The following PALM2AKAP2 variants were observed in gnomAD, a reference collection of about 807,000 sequenced individuals.
PALM2AKAP2 encodes PALM2-AKAP2 fusion protein.
A neutral mutation model predicts 71.5 loss-of-function variants in PALM2AKAP2; 37 were observed. The observed-to-expected ratio is 0.52, with a 90% CI of 0.40 to 0.68. The LOEUF (loss-of-function observed/expected upper bound fraction) is 0.68, where lower values mean the gene tolerates loss of function less well. Ranked by LOEUF, PALM2AKAP2 falls within the 30% of genes least tolerant of loss-of-function variation. The pLI is 0.00. For missense variants in PALM2AKAP2, 1,224 were observed against 1,191.8 expected (o/e 1.03, Z -0.40); for synonymous variants, 468 against 478.8 (o/e 0.98, Z 0.29).
chr9:110,062,965 G>A (rs1452741117), intron 1 of PALM2AKAP2, among the ~76,000 whole-genome samples: 1 of 152,150 alleles, frequency 6.6e-6, no homozygotes, highest in Non-Finnish European at 1.5e-5. Context: ...CCATGGCAAT[G>A]CAAATTGATA....
At chr9:109,896,055 G>A (rs773457290) in intron 3 of PALM2AKAP2, among the ~76,000 whole-genome samples, 22 of 152,042 alleles carry the variant, frequency 1.4e-4, no homozygotes, top group Non-Finnish European at 2.5e-4. Context: ...CATGGTGGCA[G>A]GCACCTGTAA....
At chr9:109,866,975 G>T (rs1366771924) in intron 1 of PALM2AKAP2, 1 of 454,726 alleles carries the variant, frequency 2.2e-6, no homozygotes, top group African/African-American at 2.0e-5. Context: ...GTCCAACTGG[G>T]TGATTTGTCC....
chr9:110,021,527 T>A (rs1833073831), intron 7 of PALM2AKAP2, among the ~76,000 whole-genome samples: 1 of 152,244 alleles, frequency 6.6e-6, no homozygotes, highest in South Asian at 2.1e-4. Flanking sequence ...CCATAGAGGC[T>A]GATAAACCAA....
intron 1 of PALM2AKAP2, among the ~76,000 whole-genome samples, chr9:109,811,339 T>A (rs1827720514): frequency 2.6e-5 from 4 of 152,028 alleles, no homozygotes. Context: ...GATCATAGAA[T>A]CTGAAAGCTG....
At chr9:109,751,542 G>T (rs1029446624) in intron 1 of PALM2AKAP2, among the ~76,000 whole-genome samples, 2 of 152,154 alleles carry the variant, frequency 1.3e-5, no homozygotes, top group African/African-American at 4.8e-5. Flanking sequence ...AAAGTCATAT[G>T]TACACATAAT....
At chr9:110,146,215 C>T (rs1587858862) in intron 2 of PALM2AKAP2, among the ~76,000 whole-genome samples, 1 of 152,222 alleles carries the variant, frequency 6.6e-6, no homozygotes, top group East Asian at 1.9e-4. Flanking sequence ...CAGCCTCACT[C>T]TTGAGATCCT....
chr9:109,934,939 A>T (rs1345590634), intron 6 of PALM2AKAP2, among the ~76,000 whole-genome samples: 1 of 152,164 alleles, frequency 6.6e-6, no homozygotes, highest in Non-Finnish European at 1.5e-5. Context: ...ATTTGCTATG[A>T]CTATTAAATT....
At chr9:109,895,952 G>A (rs900788052) in intron 3 of PALM2AKAP2, among the ~76,000 whole-genome samples, 1 of 152,158 alleles carries the variant, frequency 6.6e-6, no homozygotes, top group Non-Finnish European at 1.5e-5. Context: ...AGGAGGTTGA[G>A]TTGGGTGGAT....
At chr9:109,906,724 A>G (rs1001221140) in intron 3 of PALM2AKAP2, among the ~76,000 whole-genome samples, 2 of 152,178 alleles carry the variant, frequency 1.3e-5, no homozygotes, top group Admixed American at 6.5e-5. Context: ...ACCCTTTCAT[A>G]CATCCAAATC....
rs566644296 is a variant in PALM2AKAP2, at chr9:109,744,487, T to C, written c.6-36001T>C. On this transcript the variant is annotated intron_variant, in intron 1 of 6. Coordinates refer to the PALM2AKAP2 transcript ENST00000374531. ...AATTTTCGGAGCCTAATTTTCTTCA[T>C]CTTTAAATGGGAAAGTTTCCAGAGA... is the stretch of plus-strand genomic sequence containing the variant. Among the ~76,000 whole-genome samples the C allele has an allele frequency of 1.1e-3, 164 of 152,282 alleles. 1 individual carries two copies. The highest frequency in any genetic ancestry group is 3.7e-3 in the African/African-American group (153 of 41,566).
At chr9:110,119,172 G>A (rs1289038841) in intron 1 of PALM2AKAP2, among the ~76,000 whole-genome samples, 3 of 151,722 alleles carry the variant, frequency 2.0e-5, no homozygotes, top group African/African-American at 7.3e-5. Context: ...GTAAAAATCC[G>A]TCTCTACTAA....
chr9:110,095,378 T>C (rs1038711227), intron 1 of PALM2AKAP2, among the ~76,000 whole-genome samples: 3 of 152,158 alleles, frequency 2.0e-5, no homozygotes, highest in Admixed American at 1.3e-4. Context: ...GCAGCCTTGC[T>C]TTGCACAATC....
At chr9:110,129,634 A>G (rs1835691068) in intron 1 of PALM2AKAP2, among the ~76,000 whole-genome samples, 1 of 152,226 alleles carries the variant, frequency 6.6e-6, no homozygotes, top group African/African-American at 2.4e-5. Context: ...GCTATTAGAC[A>G]TGTGTCAACC....
intron 2 of PALM2AKAP2, among the ~76,000 whole-genome samples, chr9:109,878,194 C>T: frequency 6.6e-6 from 1 of 152,276 alleles, no homozygotes; most frequent in Middle Eastern, 3.4e-3. Flanking sequence ...CTCTTTTACA[C>T]ATGATTTTAT....
chr9:110,117,916 T>A (rs893389695), intron 1 of PALM2AKAP2, among the ~76,000 whole-genome samples: 6 of 151,744 alleles, frequency 4.0e-5, no homozygotes, highest in Non-Finnish European at 8.8e-5. Context: ...GCAAACTATG[T>A]ATATAGAATA....
rs398011831 is a variant in PALM2AKAP2 at position 109,922,421 on chromosome 9, CAAAAAAAAAAAAAAAAAA to C, written c.258-1295_258-1278del. Among the ~76,000 whole-genome samples the C allele has an allele frequency of 4.7e-4, 9 of 19,224 alleles. No individual in the cohort carries two copies. In the South Asian group the frequency reaches 0.014, roughly 30 times the overall value. The allele number at this position is 19,224 out of a possible 152,430, so 12.6% of individuals were successfully genotyped here. A position where few individuals can be genotyped will look rare whatever the true frequency, so the allele number is the denominator to read the frequency against. On this transcript the variant is annotated intron_variant, in intron 3 of 9. Coordinates refer to the PALM2AKAP2 transcript ENST00000302798. ...TGGGTGACAGAGTGAGACTCTATCTCAAAAAAAAAAAAAAAAAAAAAAAAAAAAAAAAAAAAGATGGAA... is the reference window on the plus strand; with the variant it reads ...TGGGTGACAGAGTGAGACTCTATCTCAAAAAAAAAAAAAAAAAAGATGGAA...
intron 1 of PALM2AKAP2, among the ~76,000 whole-genome samples, chr9:110,107,937 G>A (rs1835156136): frequency 6.6e-6 from 1 of 152,138 alleles, no homozygotes; most frequent in Non-Finnish European, 1.5e-5. Context: ...TGCACATGAG[G>A]CAAATTTGTA....
intron 2 of PALM2AKAP2, among the ~76,000 whole-genome samples, chr9:110,143,809 G>T (rs1836095165): frequency 6.6e-6 from 1 of 152,218 alleles, no homozygotes. Context: ...AGTGGCAAAA[G>T]AGAAGGTGTA....
intron 7 of PALM2AKAP2, among the ~76,000 whole-genome samples, chr9:110,041,592 A>G (rs555838914): frequency 3.0e-4 from 45 of 152,224 alleles, no homozygotes; most frequent in Non-Finnish European, 6.0e-4. Flanking sequence ...GGGAAAGGAA[A>G]TAAATGTGGA....
Sources: allele counts gnomAD v4.1 joint callset (sites outside exome capture counted in the v4.1 genomes callset), GRCh38; gene constraint gnomAD v4.1.1; transcripts MANE v1.5; gene names NCBI Gene and HGNC (gene_info 2026-07-23, HGNC 2026-07-21).